PPP2R2B: variants seen among roughly 807,000 people sequenced by gnomAD.
The protein encoded by PPP2R2B is protein phosphatase 2 regulatory subunit Bbeta.
A neutral mutation model predicts 46.0 loss-of-function variants in PPP2R2B; 5 were observed. The observed-to-expected ratio is 0.11, with a 90% CI of 0.06 to 0.23. The LOEUF (loss-of-function observed/expected upper bound fraction) is 0.23, where lower values mean the gene tolerates loss of function less well. Ranked by LOEUF, PPP2R2B falls within the 10% of genes least tolerant of loss-of-function variation. The pLI, the probability that PPP2R2B is intolerant of heterozygous loss-of-function variation, is 1.00. For missense variants in PPP2R2B, 367 were observed against 575.0 expected, an observed-to-expected ratio of 0.64 and a Z score of 3.70; for synonymous variants, 215 against 206.7, an observed-to-expected ratio of 1.04 and a Z score of -0.34.
At chr5:146,719,042 A>G (rs1780647250) in intron 2 of PPP2R2B, among the ~76,000 whole-genome samples, 1 of 152,254 alleles carries the variant, frequency 6.6e-6, no homozygotes, top group Non-Finnish European at 1.5e-5. Context: ...TTTGCTGTCC[A>G]TTGAAAACTA....
intron 1 of PPP2R2B, among the ~76,000 whole-genome samples, chr5:146,921,207 G>A (rs1339646916): frequency 6.6e-6 from 1 of 152,134 alleles, no homozygotes; most frequent in African/African-American, 2.4e-5. Context: ...ATTAATAAAA[G>A]ATATCATGTC....
intron 5 of PPP2R2B, among the ~76,000 whole-genome samples, chr5:146,664,599 G>A (rs1776861889): frequency 6.6e-6 from 1 of 151,892 alleles, no homozygotes; most frequent in Non-Finnish European, 1.5e-5. Flanking sequence ...ATCTACGAGA[G>A]TTGGAATCAA....
At chr5:146,628,488 G>A (rs1311858536) in intron 7 of PPP2R2B, among the ~76,000 whole-genome samples, 2 of 152,192 alleles carry the variant, frequency 1.3e-5, no homozygotes, top group Non-Finnish European at 2.9e-5. Flanking sequence ...CAGCCCCATC[G>A]CTACTGCTGA....
chr5:147,017,745 T>C (rs1303441544), intron 1 of PPP2R2B, among the ~76,000 whole-genome samples: 3 of 152,032 alleles, frequency 2.0e-5, no homozygotes, highest in African/African-American at 7.2e-5. Flanking sequence ...GCAAAAGGCA[T>C]TGTAAATTAG....
rs556059628 is a variant in PPP2R2B, at chr5:146,835,508, T to TG, written c.70+42493dup. ...GTTTGTCACCTGTCCATACTGAACTTGGGGCGGAAAGATCACTGCTTCACA... is the reference window on the plus strand; with the variant it reads ...GTTTGTCACCTGTCCATACTGAACTTGGGGGCGGAAAGATCACTGCTTCACA... On this transcript the variant is annotated intron_variant, in intron 2 of 9. Coordinates refer to ENST00000394411, the MANE Select transcript of PPP2R2B (RefSeq NM_181675.4). 1.8e-4 allele frequency among the ~76,000 whole-genome samples: 28 copies of TG among 152,178 alleles called. No individual in the cohort carries two copies. The South Asian group carries it at 5.6e-3, about 31-fold the overall frequency.
chr5:146,644,985 C>T (rs1031106768), intron 6 of PPP2R2B, among the ~76,000 whole-genome samples: 14 of 152,144 alleles, frequency 9.2e-5, no homozygotes, highest in African/African-American at 1.2e-4. Context: ...CCAAGTAGGA[C>T]GCTTTTCTGC....
chr5:146,653,792 G>T (rs927114138), intron 5 of PPP2R2B, among the ~76,000 whole-genome samples: 3 of 152,134 alleles, frequency 2.0e-5, no homozygotes, highest in Non-Finnish European at 4.4e-5. Flanking sequence ...ATGGGGAAGG[G>T]CTCCGTGTAG....
chr5:146,742,516 C>T (rs1752939202), intron 2 of PPP2R2B, among the ~76,000 whole-genome samples: 1 of 152,146 alleles, frequency 6.6e-6, no homozygotes, highest in Non-Finnish European at 1.5e-5. Flanking sequence ...CATTGATATT[C>T]TGATTTCTTC....
intron 1 of PPP2R2B, among the ~76,000 whole-genome samples, chr5:146,957,831 G>A (rs1751984573): frequency 6.6e-6 from 1 of 152,146 alleles, no homozygotes; most frequent in Non-Finnish European, 1.5e-5. Flanking sequence ...GAGGAAGTGG[G>A]AAGACTATAT....
intron 1 of PPP2R2B, among the ~76,000 whole-genome samples, chr5:147,006,482 C>A (rs568604877): frequency 2.0e-5 from 3 of 152,180 alleles, no homozygotes; most frequent in African/African-American, 7.2e-5. Context: ...TATCTGTGCC[C>A]CTCAAAGCTC....
chr5:147,007,281 A>AG (rs1271482728), intron 1 of PPP2R2B, among the ~76,000 whole-genome samples: 2 of 152,022 alleles, frequency 1.3e-5, no homozygotes, highest in Non-Finnish European at 2.9e-5. Context: ...TCCTGTTTAG[A>AG]GGGGGGATTG....
upstream of PPP2R2B, among the ~76,000 whole-genome samples, chr5:146,880,614 A>C (rs1040788454): frequency 1.3e-5 from 2 of 152,132 alleles, no homozygotes; most frequent in Non-Finnish European, 2.9e-5. Context: ...GTATTTGGGA[A>C]AATTTCCCCT....
chr5:146,987,099 T>C (rs1318952703), intron 1 of PPP2R2B, among the ~76,000 whole-genome samples: 4 of 151,988 alleles, frequency 2.6e-5, no homozygotes, highest in Admixed American at 6.5e-5. Context: ...GGGAGTGAAA[T>C]GATATATTCA....
chr5:146,764,800 CGAGAGA>C (rs67810307), intron 2 of PPP2R2B, among the ~76,000 whole-genome samples: 26 of 149,940 alleles, frequency 1.7e-4, no homozygotes, highest in African/African-American at 4.7e-4. Flanking sequence ...ATCTCTATCC[CGAGAGA>C]GAGAGAGAGA....
chr5:146,968,766 A>G (rs1752544953), intron 1 of PPP2R2B, among the ~76,000 whole-genome samples: 1 of 152,222 alleles, frequency 6.6e-6, no homozygotes, highest in African/African-American at 2.4e-5. Flanking sequence ...AAATAAGACC[A>G]TCGTGGCCAA....
At chr5:146,700,788 G>A (rs1337388165) in intron 3 of PPP2R2B, among the ~76,000 whole-genome samples, 1 of 152,192 alleles carries the variant, frequency 6.6e-6, no homozygotes, top group African/African-American at 2.4e-5. Flanking sequence ...AATTTTGCAG[G>A]TCAGGCGAGA....
intron 2 of PPP2R2B, among the ~76,000 whole-genome samples, chr5:146,808,549 C>G (rs1366783433): frequency 6.6e-6 from 1 of 152,258 alleles, no homozygotes; most frequent in East Asian, 1.9e-4. Context: ...CTGACCAATC[C>G]TGAATAGCCA....
chr5:146,774,270 G>A (rs1490184368), intron 2 of PPP2R2B, among the ~76,000 whole-genome samples: 2 of 152,080 alleles, frequency 1.3e-5, no homozygotes, highest in East Asian at 3.9e-4. Context: ...CCTGGCATGT[G>A]GAAAGCATTT....
intron 2 of PPP2R2B, among the ~76,000 whole-genome samples, chr5:146,738,176 C>T (rs887518076): frequency 2.0e-5 from 3 of 151,704 alleles, no homozygotes; most frequent in Non-Finnish European, 2.9e-5. Context: ...GCGGGCGGAT[C>T]ACGAGGTCAG....
Sources: gnomAD v4.1 joint callset for allele counts (sites outside exome capture counted in the v4.1 genomes callset) on GRCh38, gnomAD v4.1.1 for gene constraint, MANE v1.5 for transcripts, NCBI Gene and HGNC (gene_info 2026-07-23, HGNC 2026-07-21) for gene names.